Variants in ZFYVE27 observed in about 807,000 individuals in gnomAD.
ZFYVE27 encodes the protein protrudin.
Under a neutral mutation model 52.8 loss-of-function variants are expected in ZFYVE27, and 36 were observed. That is an observed-to-expected ratio of 0.68 (90% confidence interval 0.52 to 0.90). The LOEUF (loss-of-function observed/expected upper bound fraction) is 0.90. Ranked by LOEUF, ZFYVE27 falls within the 40% of genes least tolerant of loss-of-function variation. The pLI, the probability that ZFYVE27 is intolerant of heterozygous loss-of-function variation, is 0.00. For synonymous variants in ZFYVE27, 223 were observed against 215.6 expected, an observed-to-expected ratio of 1.03 and a Z score of -0.30; for missense variants, 450 against 527.2, an observed-to-expected ratio of 0.85 and a Z score of 1.43.
chr10:97,743,078 ACT>A lies in ZFYVE27; in HGVS notation c.198-11_198-10del, dbSNP rs775820258. On this transcript the variant is annotated splice_polypyrimidine_tract_variant and intron_variant, in intron 2 of 12. Transcript: ENST00000684270. ...GGAGTGACTCTCTGTAGTGATCAGG[ACT>A]CTCTGTATTGTAGGTGGCAGATGCC... 18 of 1,613,358 alleles carry A rather than the reference ACT, an allele frequency of 1.1e-5. No homozygotes were observed. In the East Asian group the frequency reaches 1.6e-4, roughly 14 times the overall value.
rs763098145 is a variant in ZFYVE27, at chr10:97,743,155, TTGAA to T, written c.263_266del (p.Asn88ArgfsTer7). On this transcript the variant is annotated frameshift_variant, in exon 3 of 13. Coordinates refer to ENST00000684270, the MANE Select transcript of ZFYVE27 (RefSeq NM_001385875.1). LOFTEE classifies it high-confidence loss of function. ...GGGCCTCAACGTCTTGTTCCTCACT[TTGAA>T]TGAGGGTAAGAACTGCCTTCAGGGG... is the stretch of plus-strand genomic sequence containing the variant. 13 of 1,614,094 alleles carry T rather than the reference TTGAA, an allele frequency of 8.1e-6. No individual in the cohort carries two copies. The highest frequency in any genetic ancestry group is 6.7e-5 in the East Asian group (3 of 44,904).
chr10:97,751,198 C>G (rs1179014500), intron 7 of ZFYVE27, among the ~76,000 whole-genome samples, 193 bp from the exon 8 acceptor site: 28 of 152,170 alleles, frequency 1.8e-4, no homozygotes, highest in Admixed American at 1.8e-3. Flanking sequence ...GTAGGGCCAG[C>G]TGTGCTCGTG....
In ZFYVE27 at chr10:97,752,849, G is replaced by T. The variant is rs1564828813; in HGVS notation, c.877-8G>T. ...TTTCTCTCCTCTTCCCCGCACCTTG[G>T]GAGGCAGGAGACCCACTTGGTGGTG... On this transcript the variant is annotated splice_polypyrimidine_tract_variant and splice_region_variant and intron_variant, in intron 8 of 12. Transcript: ENST00000684270. 1 of 1,613,848 alleles carries T rather than the reference G, an allele frequency of 6.2e-7. No homozygotes were observed. Among genetic ancestry groups the T allele is most frequent in the Admixed American group, 1.7e-5 (1 of 60,002 alleles).
chr10:97,741,904 G>A (rs1042343217), intron 2 of ZFYVE27, among the ~76,000 whole-genome samples: 2 of 152,098 alleles, frequency 1.3e-5, no homozygotes, highest in Admixed American at 6.6e-5. Flanking sequence ...GCCAGGGTGG[G>A]CAGATCACCT....
At position 97,753,164 on chromosome 10, in the gene ZFYVE27, T is replaced by C; in HGVS notation, c.1024T>C (p.Tyr342His). Residue 342 changes from tyrosine (Y) to histidine (H), a missense_variant, in exon 10 of 13, where the codon TAC becomes CAC. Physicochemically the swap from Tyr to His is moderately conservative, Grantham distance 83. Transcript: ENST00000684270. ...SRLTERLRKRYPTNNFGNCTG... is the reference protein window; with the variant it reads ...SRLTERLRKRHPTNNFGNCTG... ...GCTCACGGAGCGGCTCCGCAAGCGC[T>C]ACCCCACCAACAACTTCGGTGCGGC... 1 of 1,611,136 alleles carries C rather than the reference T, an allele frequency of 6.2e-7. No individual in the cohort carries two copies. The highest frequency in any genetic ancestry group is 8.5e-7 in the Non-Finnish European group (1 of 1,179,390).
chr10:97,746,040 TATATATATA>T (rs1363037962), intron 4 of ZFYVE27, among the ~76,000 whole-genome samples: 8 of 54,548 alleles, frequency 1.5e-4, no homozygotes, highest in African/African-American at 7.4e-4. Flanking sequence ...TATATATATA[TATATATATA>T]TATTTTTTTT....
chr10:97,757,600 C>T (rs373739687), intron 11 of ZFYVE27, 42 bp from the exon 12 acceptor site: 34 of 1,604,392 alleles, frequency 2.1e-5, no homozygotes, highest in Non-Finnish European at 2.9e-5. Context: ...CTCCAGGTAC[C>T]TGAGGGTGAG....
At chr10:97,753,919 G>T (rs376924927) in intron 10 of ZFYVE27, among the ~76,000 whole-genome samples, 1 of 152,228 alleles carries the variant, frequency 6.6e-6, no homozygotes, top group Admixed American at 6.5e-5. Context: ...GTCAAGGAAG[G>T]CAGCTTTGGA....
intron 10 of ZFYVE27, chr10:97,754,599 G>C (rs2047869207): frequency 8.0e-7 from 1 of 1,251,544 alleles, no homozygotes; most frequent in Non-Finnish European, 1.0e-6. Flanking sequence ...ACAAGTGTGA[G>C]CCACCACGCC....
chr10:97,750,271 A>T (rs564630944), intron 6 of ZFYVE27, 60 bp from the exon 7 acceptor site: 46 of 1,605,198 alleles, frequency 2.9e-5, no homozygotes, highest in Non-Finnish European at 3.7e-5. Context: ...GGGTACCCCT[A>T]AAGTGCCACT....
At chr10:97,743,192 T>C in intron 3 of ZFYVE27, 28 bp downstream of exon 3, 1 of 1,613,608 alleles carries the variant, frequency 6.2e-7, no homozygotes, top group Non-Finnish European at 8.5e-7. Flanking sequence ...GGGCCAGTGG[T>C]TTTTGTGAAC....
At chr10:97,745,035 CTT>C in intron 4 of ZFYVE27, 120 bp downstream of exon 4, 1 of 1,190,162 alleles carries the variant, frequency 8.4e-7, no homozygotes, top group Non-Finnish European at 1.2e-6. Context: ...TTCATTTAAC[CTT>C]TTTAACAGTT....
Position 97,738,653 on chromosome 10 carries a change from A to C in ZFYVE27, c.176A>C (p.Asp59Ala). The C allele has an allele frequency of 1.2e-6, 2 of 1,614,166 alleles. No homozygotes were observed. Among genetic ancestry groups the C allele is most frequent in the Non-Finnish European group, 8.5e-7 (1 of 1,180,024 alleles). ...CTGGAACCCTTGAAGGATGCAGGTG[A>C]TGGTGTTCGATACTTGCTCAGGTAC... ...IYLEPLKDAG[D>A]GVRYLLRWQM... The change falls in exon 2 of 13, where the codon GAT becomes GCT. Residue 59 changes from aspartate (D) to alanine (A), a missense_variant. Coordinates refer to ENST00000684270, the MANE Select transcript of ZFYVE27 (RefSeq NM_001385875.1).
chr10:97,752,286 C>T (rs1252988236), intron 8 of ZFYVE27, among the ~76,000 whole-genome samples: 1 of 152,210 alleles, frequency 6.6e-6, no homozygotes, highest in African/African-American at 2.4e-5. Flanking sequence ...AAAAACACCT[C>T]GTGGATTTCC....
In ZFYVE27 at chr10:97,750,460, C is replaced by T. The variant is rs750965464; in HGVS notation, c.794C>T (p.Thr265Ile). 11 of 1,614,002 alleles carry T rather than the reference C, an allele frequency of 6.8e-6. No homozygotes were observed. Among genetic ancestry groups the T allele is most frequent in the South Asian group, 2.2e-5 (2 of 91,092 alleles). The change falls in exon 7 of 13, where the codon ACA (threonine) becomes ATA (isoleucine). Residue 265 changes from threonine (T) to isoleucine (I), a missense_variant. By Grantham distance (89) the Thr-to-Ile change is moderately conservative. Transcript: ENST00000684270. ...CTGATGGACAGCACGCCTGCCCTCACACCCACGGAGGTAAGTGCCACTGTC... is the reference window on the plus strand; with the variant it reads ...CTGATGGACAGCACGCCTGCCCTCATACCCACGGAGGTAAGTGCCACTGTC... ...DGLMDSTPAL[T>I]PTEDLTPGSV...
rs1476265369 is a variant in ZFYVE27 at position 97,752,603 on chromosome 10, T to C, written c.877-254T>C. Among the ~76,000 whole-genome samples, 5 of 152,222 alleles carry C rather than the reference T, an allele frequency of 3.3e-5. No individual in the cohort carries two copies. The East Asian group carries it at 5.8e-4, about 18-fold the overall frequency. On this transcript the variant is annotated intron_variant, in intron 8 of 12. Transcript: ENST00000684270. Reference sequence around the variant, plus strand: ...GGATATTTTCTTTCCTTTTCTGTTCTATTCAAATAAAGACCTACTAAATTA... The same window carrying C: ...GGATATTTTCTTTCCTTTTCTGTTCCATTCAAATAAAGACCTACTAAATTA...
Position 97,750,351 on chromosome 10 carries a change from T to C in ZFYVE27, c.685T>C (p.Ser229Pro). Residue 229 changes from serine to proline, a missense_variant, in exon 7 of 13, where the codon TCT (serine) becomes CCT (proline). Transcript: ENST00000684270. ...FFRVVSEYRASLQQRMNPKQE... is the reference protein window; with the variant it reads ...FFRVVSEYRAPLQQRMNPKQE... ...GGTAGTTGTGTCTGAGTACAGGGCA[T>C]CTCTGCAGCAGAGGATGAACCCAAA... 2 of 1,614,166 alleles carry C rather than the reference T, an allele frequency of 1.2e-6. No homozygotes were observed. The highest frequency in any genetic ancestry group is 1.7e-6 in the Non-Finnish European group (2 of 1,180,038).
chr10:97,750,492 G>A, intron 7 of ZFYVE27, 22 bp downstream of exon 7: 2 of 1,613,586 alleles, frequency 1.2e-6, no homozygotes, highest in East Asian at 2.2e-5. Context: ...TGTCAGGGCA[G>A]AGCCTGCTGT....
intron 11 of ZFYVE27, 31 bp from the exon 12 acceptor site, chr10:97,757,609 AGG>A (rs774610088): frequency 5.0e-6 from 8 of 1,609,554 alleles, no homozygotes; most frequent in Non-Finnish European, 6.8e-6. Flanking sequence ...CCTGAGGGTG[AGG>A]GACACATCTG....
Sources: gnomAD v4.1 joint callset for allele counts (sites outside exome capture counted in the v4.1 genomes callset) on GRCh38, gnomAD v4.1.1 for gene constraint, MANE v1.5 for transcripts, NCBI Gene and HGNC (gene_info 2026-07-23, HGNC 2026-07-21) for gene names.